The following LRP10 variants were observed in gnomAD, a reference collection of about 807,000 sequenced individuals.
LRP10 encodes low-density lipoprotein receptor-related protein 10.
LRP10 carries 42 observed loss-of-function variants against 58.5 expected under a neutral mutation model. The ratio of observed to expected loss-of-function variants is 0.72; its 90% CI spans 0.56 to 0.93. LRP10 has a LOEUF of 0.93. LRP10 is among the 40% of genes least tolerant of loss of function. The probability of loss-of-function intolerance (pLI) is 0.00; values close to 1 mark genes in which losing one functional copy is unlikely to be tolerated. For missense variants in LRP10, 872 were observed against 940.1 expected, an observed-to-expected ratio of 0.93 and a Z score of 0.95; for synonymous variants, 377 against 388.5, an observed-to-expected ratio of 0.97 and a Z score of 0.35.
chr14:22,876,669 G>A lies in LRP10; in HGVS notation c.1425-20G>A, dbSNP rs1306812964. ...CTGGCCGAGAACTACCAGTGACTGA[G>A]CAGTCCTCATTCCTTCTAGCATCTT... On this transcript the variant is annotated intron_variant, in intron 5 of 6. Transcript: ENST00000359591. The A allele has an allele frequency of 6.2e-7, 1 of 1,611,194 alleles. No homozygotes were observed. Among genetic ancestry groups the A allele is most frequent in the Non-Finnish European group, 8.5e-7 (1 of 1,178,526 alleles).
Position 22,877,651 on chromosome 14 carries a change from T to G in LRP10, c.*124T>G. The G allele has an allele frequency of 5.6e-6, 4 of 713,534 alleles. No individual in the cohort carries two copies. The highest frequency in any genetic ancestry group is 8.9e-6 in the Non-Finnish European group (4 of 447,692). The allele number at this position is 713,534 out of a possible 1,614,324, so 44.2% of individuals were successfully genotyped here. ...TCCCTGTCCCTGGATTTCAGGGACT[T>G]GGTGGGCCTCCCGTTGACCCTATGT... On this transcript the variant is annotated 3_prime_UTR_variant, in exon 7 of 7. Transcript: ENST00000359591. This position sits in a 1 kb window ranked among gnomAD's most constrained non-coding sequence, Gnocchi z 5.1.
chr14:22,872,918 A>G, intron 2 of LRP10, 136 bp downstream of exon 2: 1 of 843,002 alleles, frequency 1.2e-6, no homozygotes, highest in East Asian at 2.6e-5. Context: ...TTTATAGATA[A>G]GGAAGCTGAG....
At chr14:22,874,132 G>C (rs892689818) in intron 3 of LRP10, among the ~76,000 whole-genome samples, 6 of 152,190 alleles carry the variant, frequency 3.9e-5, no homozygotes, top group African/African-American at 1.4e-4. Flanking sequence ...AGCCTCTCTG[G>C]ATCTTTTAAA....
intron 3 of LRP10, 27 bp downstream of exon 3, chr14:22,873,473 C>G: frequency 6.2e-7 from 1 of 1,611,372 alleles, no homozygotes; most frequent in Non-Finnish European, 8.5e-7. Context: ...GAGCAAGAAC[C>G]CATTCTTCTC....
At position 22,873,073 on chromosome 14, in the gene LRP10, C is replaced by G. The variant is rs2039972189; in HGVS notation, c.80-238C>G. The G allele has an allele frequency of 1.5e-5, 9 of 608,050 alleles. No individual in the cohort carries two copies. In the South Asian group the frequency reaches 1.9e-4, roughly 13 times the overall value. The allele number at this position is 608,050 out of a possible 1,614,324, so 37.7% of individuals were successfully genotyped here. A position where few individuals can be genotyped will look rare whatever the true frequency, so the allele number is the denominator to read the frequency against. ...GCTCCTCCTGGTTCAGTGGCTGGCA[C>G]AAAGCAGACGTCAGAATTGTTCGTG... On this transcript the variant is annotated intron_variant, in intron 2 of 6. Coordinates refer to ENST00000359591, the MANE Select transcript of LRP10 (RefSeq NM_014045.5).
At position 22,875,681 on chromosome 14, in the gene LRP10, G is replaced by T. The variant is rs1193557156; in HGVS notation, c.733G>T (p.Asp245Tyr). 1 of 1,614,138 alleles carries T rather than the reference G, an allele frequency of 6.2e-7. No homozygotes were observed. The highest frequency in any genetic ancestry group is 8.5e-7 in the Non-Finnish European group (1 of 1,180,038). Residue 245 changes from aspartate to tyrosine, a missense_variant, in exon 5 of 7, where the codon GAT (aspartate) becomes TAT (tyrosine). Physicochemically the swap from Asp to Tyr is radical, Grantham distance 160 (BLOSUM62 -3). Coordinates refer to ENST00000359591, the MANE Select transcript of LRP10 (RefSeq NM_014045.5). ...CACAGCCCTGGACTTGGGCTTTGGA[G>T]ATGCAGTGCATGTGTATGACGGCCC... The part of the protein sequence containing the change: ...RFTALDLGFG[D>Y]AVHVYDGPGP...
rs763015878 is a variant in LRP10, at chr14:22,879,553, G to A, written c.*2026G>A. 5.2e-6 allele frequency: 1 copy of A among 191,898 alleles called. No individual in the cohort carries two copies. The highest frequency in any genetic ancestry group is 1.1e-5 in the Non-Finnish European group (1 of 87,846). The allele number at this position is 191,898 out of a possible 1,614,324, so 11.9% of individuals were successfully genotyped here. A position where few individuals can be genotyped will look rare whatever the true frequency, so the allele number is the denominator to read the frequency against. On this transcript the variant is annotated 3_prime_UTR_variant, in exon 7 of 7. Coordinates refer to ENST00000359591, the MANE Select transcript of LRP10 (RefSeq NM_014045.5). Reference sequence around the variant, plus strand: ...CCTGATATCTTCATCCCTTCATCCAGACCTTTTCTCTCCTAGTGGTATTGC... The same window carrying A: ...CCTGATATCTTCATCCCTTCATCCAAACCTTTTCTCTCCTAGTGGTATTGC...
In LRP10 at chr14:22,880,989, C is replaced by G. The variant is rs550461582; in HGVS notation, c.*3462C>G. ...ACTGCACTCCAGCCTGGCAACAGAG[C>G]GAGACAAGACTCCATCTCAAAAAAA... is the stretch of plus-strand genomic sequence containing the variant. On this transcript the variant is annotated 3_prime_UTR_variant, in exon 7 of 7. Coordinates refer to ENST00000359591, the MANE Select transcript of LRP10 (RefSeq NM_014045.5). 6.6e-6 allele frequency: 1 copy of G among 151,882 alleles called. No individual in the cohort carries two copies. Among genetic ancestry groups the G allele is most frequent in the South Asian group, 2.1e-4 (1 of 4,802 alleles). 9.4% of individuals were successfully genotyped at this position (151,882 alleles called of 1,614,324 possible).
chr14:22,879,054 G>A lies in LRP10; in HGVS notation c.*1527G>A. On this transcript the variant is annotated 3_prime_UTR_variant, in exon 7 of 7. Transcript: ENST00000359591. The stretch of plus-strand genomic sequence containing the variant: ...CTCTCCTTGTCTAGCCCCACACCTG[G>A]CAGAGCCTGTCACCCAGCCTAGCCC... The A allele has an allele frequency of 2.1e-5, 8 of 385,558 alleles. No homozygotes were observed. The highest frequency in any genetic ancestry group is 1.3e-4 in the South Asian group (7 of 54,908). 23.9% of individuals were successfully genotyped at this position (385,558 alleles called of 1,614,324 possible). A position where few individuals can be genotyped will look rare whatever the true frequency, so the allele number is the denominator to read the frequency against.
Position 22,876,305 on chromosome 14 carries a change from G to T in LRP10, c.1357G>T (p.Gly453Cys), listed in dbSNP as rs146378015. Residue 453 changes from glycine to cysteine, a missense_variant, in exon 5 of 7, where the codon GGC (glycine) becomes TGC (cysteine). Coordinates refer to ENST00000359591, the MANE Select transcript of LRP10 (RefSeq NM_014045.5). ...TGCAGTCATTGGCAGCCTAGTGTGC[G>T]GCCTGCTCCTGGTCATCGCCCTGGG... Reference protein sequence around the residue: ...TAAVIGSLVCGLLLVIALGCT... With the variant: ...TAAVIGSLVCCLLLVIALGCT... 6.2e-7 allele frequency: 1 copy of T among 1,614,104 alleles called. No homozygotes were observed. Among genetic ancestry groups the T allele is most frequent in the Admixed American group, 1.7e-5 (1 of 60,024 alleles).
At position 22,873,330 on chromosome 14, in the gene LRP10, A is replaced by G; in HGVS notation, c.99A>G (p.Ala33=). ...FPNHACEDPP[A]VLLEVQGTLQ... ...CTCCAGCTTGTGAGGACCCCCCAGC[A>G]GTGCTCTTAGAAGTGCAGGGCACCT... Residue 33 remains alanine (A), a synonymous_variant, in exon 3 of 7, where the codon GCA becomes GCG. Coordinates refer to ENST00000359591, the MANE Select transcript of LRP10 (RefSeq NM_014045.5). 6.2e-7 allele frequency: 1 copy of G among 1,614,068 alleles called. No homozygotes were observed.
At chr14:22,876,468 A>G in intron 5 of LRP10, 96 bp downstream of exon 5, 1 of 1,457,662 alleles carries the variant, frequency 6.9e-7, no homozygotes, top group African/African-American at 1.4e-5. Flanking sequence ...CACCTTGGGG[A>G]GAGGCTCCCA....
At chr14:22,872,420 T>A in intron 1 of LRP10, 83 bp downstream of exon 1, 1 of 1,506,354 alleles carries the variant, frequency 6.6e-7, no homozygotes, top group African/African-American at 1.4e-5. Flanking sequence ...CCCCGCACTC[T>A]ATCCTGCCTG....
rs752562001 is a variant in LRP10, at chr14:22,875,863, G to A, written c.915G>A (p.Arg305=). The change falls in exon 5 of 7, where the codon CGG becomes CGA. Residue 305 remains arginine (R), a synonymous_variant. Coordinates refer to ENST00000359591, the MANE Select transcript of LRP10 (RefSeq NM_014045.5). Reference sequence around the variant, plus strand: ...GCTTCAATGCCACCTACCATGTGCGGGGCTATTGCTTGCCTTGGGACAGAC... The same window carrying A: ...GCTTCAATGCCACCTACCATGTGCGAGGCTATTGCTTGCCTTGGGACAGAC... ...GRGFNATYHV[R]GYCLPWDRPC... 2 of 1,613,702 alleles carry A rather than the reference G, an allele frequency of 1.2e-6. No individual in the cohort carries two copies. Among genetic ancestry groups the A allele is most frequent in the South Asian group, 1.1e-5 (1 of 91,094 alleles).
chr14:22,873,460 CAA>C lies in LRP10; in HGVS notation c.215+15_215+16del. 3 of 1,613,578 alleles carry C rather than the reference CAA, an allele frequency of 1.9e-6. No individual in the cohort carries two copies. Among genetic ancestry groups the C allele is most frequent in the Non-Finnish European group, 2.5e-6 (3 of 1,179,628 alleles). On this transcript the variant is annotated intron_variant, in intron 3 of 6. Transcript: ENST00000359591. ...TGTCACCATCAGGTGAGAAGCAGAACAAGAGCAAGAACCCATTCTTCTCCCCT... is the reference window on the plus strand; with the variant it reads ...TGTCACCATCAGGTGAGAAGCAGAACGAGCAAGAACCCATTCTTCTCCCCT...
chr14:22,875,916 CTGGCGAAGGCCTAGGTGAGCG>C lies in LRP10; in HGVS notation c.969_989del (p.Gly324_Arg330del), dbSNP rs2039999813. ...TGTGGCTTAGGCTCTGGCCTGGGAG[CTGGCGAAGGCCTAGGTGAGCG>C]CTGCTACAGTGAGGCACAGCGCTGT... is the stretch of plus-strand genomic sequence containing the variant. On this transcript the variant is annotated inframe_deletion, in exon 5 of 7. Transcript: ENST00000359591. 1 of 1,613,406 alleles carries C rather than the reference CTGGCGAAGGCCTAGGTGAGCG, an allele frequency of 6.2e-7. No individual in the cohort carries two copies. Among genetic ancestry groups the C allele is most frequent in the Non-Finnish European group, 8.5e-7 (1 of 1,179,728 alleles).
intron 2 of LRP10, 62 bp downstream of exon 2, chr14:22,872,844 C>T: frequency 6.5e-6 from 10 of 1,534,936 alleles, no homozygotes; most frequent in Non-Finnish European, 9.0e-6. Context: ...TCGAGAAGGA[C>T]TCTCTGTTCC....
Position 22,875,012 on chromosome 14 carries a change from CAGT to C in LRP10, c.216-42_216-40del, listed in dbSNP as rs1248254183. The stretch of plus-strand genomic sequence containing the variant: ...CACCAGGGGAGGAGAAAGCCAGCAG[CAGT>C]CAAGAGTATCTCATGTCCTGCTCTC... On this transcript the variant is annotated intron_variant, in intron 3 of 6. Transcript: ENST00000359591. 4.3e-6 allele frequency: 6 copies of C among 1,383,868 alleles called. No individual in the cohort carries two copies. In the African/African-American group the frequency reaches 8.8e-5, roughly 20 times the overall value. The allele number at this position is 1,383,868 out of a possible 1,614,324, so 85.7% of individuals were successfully genotyped here.
chr14:22,871,993 G>A lies in LRP10; in HGVS notation c.-311G>A, dbSNP rs2039958505. On this transcript the variant is annotated 5_prime_UTR_variant, in exon 1 of 7. Coordinates refer to ENST00000359591, the MANE Select transcript of LRP10 (RefSeq NM_014045.5). The stretch of plus-strand genomic sequence containing the variant: ...AGACCAGGGGCGCTCGCTGCCTGCG[G>A]GCGGGCTGTAGGCGAGGGCGCGCCC... 2 of 520,808 alleles carry A rather than the reference G, an allele frequency of 3.8e-6. No homozygotes were observed. The highest frequency in any genetic ancestry group is 2.2e-5 in the South Asian group (1 of 46,132). The allele number at this position is 520,808 out of a possible 1,614,324, so 32.3% of individuals were successfully genotyped here.
Sources: allele counts gnomAD v4.1 joint callset (sites outside exome capture counted in the v4.1 genomes callset), GRCh38; gene constraint gnomAD v4.1.1; non-coding constraint Gnocchi (gnomAD v3.1); transcripts MANE v1.5; gene names NCBI Gene and HGNC (gene_info 2026-07-23, HGNC 2026-07-21).